PTPRG: variants seen among roughly 807,000 people sequenced by gnomAD.
PTPRG encodes protein tyrosine phosphatase receptor type G.
PTPRG carries 102 observed loss-of-function variants against 165.3 expected under a neutral mutation model. The observed-to-expected ratio is 0.62, with a 90% CI of 0.53 to 0.73. PTPRG has a LOEUF of 0.73. Among genes scored for constraint, PTPRG ranks in the 30% least tolerant of loss-of-function variants. The pLI is 0.00. For synonymous variants in PTPRG, 675 were observed against 669.5 expected, an observed-to-expected ratio of 1.01 and a Z score of -0.13; for missense variants, 1,866 against 1,861.4, an observed-to-expected ratio of 1.00 and a Z score of -0.05.
chr3:61,976,214 G>A (rs902339956), intron 2 of PTPRG, among the ~76,000 whole-genome samples: 2 of 152,140 alleles, frequency 1.3e-5, no homozygotes, highest in African/African-American at 4.8e-5. Context: ...ACCCTTCCCT[G>A]GGAATTCTAG....
chr3:61,610,005 TA>T (rs76169025), intron 1 of PTPRG, among the ~76,000 whole-genome samples: 3,393 of 149,640 alleles, frequency 0.023, 66 homozygotes, highest in East Asian at 0.061. Context: ...TTTCACACTT[TA>T]AAATGTTTTT....
intron 4 of PTPRG, among the ~76,000 whole-genome samples, chr3:62,007,918 C>T (rs1168337635): frequency 2.0e-5 from 3 of 152,210 alleles, no homozygotes; most frequent in African/African-American, 7.2e-5. Flanking sequence ...CAAATGTCTG[C>T]TGTAAATACG....
At chr3:62,081,603 C>G (rs995941758) in intron 5 of PTPRG, among the ~76,000 whole-genome samples, 1 of 152,228 alleles carries the variant, frequency 6.6e-6, no homozygotes, top group African/African-American at 2.4e-5. Flanking sequence ...CCTCAGCCTT[C>G]TAAAGTGCTG....
chr3:61,608,429 G>T (rs1424393343), intron 1 of PTPRG, among the ~76,000 whole-genome samples: 1 of 152,180 alleles, frequency 6.6e-6, no homozygotes. Flanking sequence ...TGTGTGCTGG[G>T]CCCTTCCGTG....
chr3:61,594,319 G>A (rs1700642387), intron 1 of PTPRG, among the ~76,000 whole-genome samples: 1 of 152,040 alleles, frequency 6.6e-6, no homozygotes, highest in East Asian at 1.9e-4. Flanking sequence ...GTAGGGTGCA[G>A]CTGTGGGCTG....
intron 4 of PTPRG, among the ~76,000 whole-genome samples, chr3:62,025,155 A>G (rs527416772): frequency 6.6e-6 from 1 of 152,136 alleles, no homozygotes; most frequent in Non-Finnish European, 1.5e-5. Flanking sequence ...AAACACTAAA[A>G]ATTTTTAATA....
intron 2 of PTPRG, among the ~76,000 whole-genome samples, chr3:61,974,969 A>G (rs2040468409): frequency 6.6e-6 from 1 of 152,218 alleles, no homozygotes; most frequent in African/African-American, 2.4e-5. Context: ...TGCTATAGCA[A>G]GAAGTTTAAC....
At chr3:62,077,796 G>A (rs1328669593) in intron 4 of PTPRG, among the ~76,000 whole-genome samples, 1 of 152,052 alleles carries the variant, frequency 6.6e-6, no homozygotes, top group Non-Finnish European at 1.5e-5. Context: ...TTTAGGTCAA[G>A]AGTTCAAGAC....
intron 1 of PTPRG, among the ~76,000 whole-genome samples, chr3:61,681,054 TAAAAAAAAAAAAAA>T (rs61198100): frequency 3.0e-5 from 2 of 66,104 alleles, no homozygotes; most frequent in African/African-American, 1.1e-4. Context: ...CTTTATGTTC[TAAAAAAAAAAAAAA>T]AAAAAAAAAG....
At chr3:62,056,043 T>G (rs1452293870) in intron 4 of PTPRG, among the ~76,000 whole-genome samples, 1 of 152,238 alleles carries the variant, frequency 6.6e-6, no homozygotes, top group South Asian at 2.1e-4. Flanking sequence ...CAAGTACATA[T>G]GACTCTATAG....
intron 4 of PTPRG, among the ~76,000 whole-genome samples, chr3:62,056,549 ACCT>A (rs1322403408): frequency 3.9e-5 from 6 of 152,142 alleles, no homozygotes; most frequent in Non-Finnish European, 5.9e-5. Context: ...TTGTATCTCA[ACCT>A]CAGCATTTTG....
At chr3:62,292,628 G>A (rs915364231) in intron 29 of PTPRG, 72 bp downstream of exon 29, 2 of 1,537,764 alleles carry the variant, frequency 1.3e-6, no homozygotes, top group African/African-American at 1.4e-5. Context: ...TAGAGCAGTA[G>A]TTCTCAATTG....
chr3:61,811,459 CA>C (rs1433010946), intron 2 of PTPRG, among the ~76,000 whole-genome samples: 2 of 152,138 alleles, frequency 1.3e-5, no homozygotes, highest in Non-Finnish European at 2.9e-5. Context: ...ACACAGCAGA[CA>C]AGTTGACTAA....
chr3:61,637,286 G>A (rs1559534463), intron 1 of PTPRG, among the ~76,000 whole-genome samples: 1 of 152,124 alleles, frequency 6.6e-6, no homozygotes, highest in Non-Finnish European at 1.5e-5. Flanking sequence ...TTTGAATTCT[G>A]GCTCTTGTCC....
At chr3:62,091,840 GCAGT>G (rs935493726) in intron 5 of PTPRG, among the ~76,000 whole-genome samples, 2 of 151,958 alleles carry the variant, frequency 1.3e-5, no homozygotes. Context: ...TCTATATGGG[GCAGT>G]CTTGACTCTT....
rs532445615 is a variant in PTPRG at position 62,045,728 on chromosome 3, T to C, written c.520-32435T>C. On this transcript the variant is annotated intron_variant, in intron 4 of 29. Coordinates refer to ENST00000474889, the MANE Select transcript of PTPRG (RefSeq NM_002841.4). ...TGTTAGGTCTTCTCTTAACAGGTCA[T>C]GACCTGAACACAAGGTTCTGAGCAT... Among the ~76,000 whole-genome samples the C allele has an allele frequency of 1.1e-4, 17 of 152,382 alleles. 1 individual carries two copies. Among genetic ancestry groups the C allele is most frequent in the African/African-American group, 2.6e-4 (11 of 41,600 alleles).
intron 4 of PTPRG, among the ~76,000 whole-genome samples, chr3:62,057,977 A>G (rs139472516): frequency 6.6e-6 from 1 of 152,360 alleles, no homozygotes; most frequent in African/African-American, 2.4e-5. Context: ...TCAAGAAATA[A>G]TAAAGCCCAA....
chr3:61,647,507 T>C (rs1000115189), intron 1 of PTPRG, among the ~76,000 whole-genome samples: 4 of 152,142 alleles, frequency 2.6e-5, no homozygotes, highest in Non-Finnish European at 4.4e-5. Flanking sequence ...AAGTTATCAA[T>C]TGGCCGGGCA....
intron 4 of PTPRG, among the ~76,000 whole-genome samples, chr3:62,037,411 T>TA: frequency 6.6e-6 from 1 of 152,178 alleles, no homozygotes; most frequent in Non-Finnish European, 1.5e-5. Context: ...TATAGGATGT[T>TA]TAGCAGCATC....
Sources: allele counts gnomAD v4.1 joint callset (sites outside exome capture counted in the v4.1 genomes callset), GRCh38; gene constraint gnomAD v4.1.1; transcripts MANE v1.5; gene names NCBI Gene and HGNC (gene_info 2026-07-23, HGNC 2026-07-21).